Variants in FHIT observed in about 807,000 individuals in gnomAD.
FHIT encodes the protein fragile histidine triad diadenosine triphosphatase.
In FHIT, 19 loss-of-function variants were observed where a neutral mutation model predicts 17.9. That is an observed-to-expected ratio of 1.06 (90% confidence interval 0.74 to 1.56). The LOEUF (loss-of-function observed/expected upper bound fraction) is 1.56. FHIT is among the 40% of genes most tolerant of loss of function. FHIT has a pLI of 0.00. For missense variants in FHIT, 248 were observed against 189.2 expected, an observed-to-expected ratio of 1.31 and a Z score of -1.82; for synonymous variants, 81 against 69.7, an observed-to-expected ratio of 1.16 and a Z score of -0.81.
intron 3 of FHIT, among the ~76,000 whole-genome samples, chr3:60,990,361 T>C (rs1408958355): frequency 2.0e-5 from 3 of 152,200 alleles, no homozygotes; most frequent in Admixed American, 1.3e-4. Flanking sequence ...ACTAAAGATA[T>C]CCATGTCAAC....
chr3:60,205,271 T>C (rs995196340), intron 5 of FHIT, among the ~76,000 whole-genome samples: 3 of 152,098 alleles, frequency 2.0e-5, no homozygotes, highest in Non-Finnish European at 4.4e-5. Context: ...TATTGAAAGA[T>C]AAAAGAATGA....
chr3:61,242,651 T>C (rs1304556123), intron 1 of FHIT, among the ~76,000 whole-genome samples: 2 of 152,198 alleles, frequency 1.3e-5, no homozygotes, highest in African/African-American at 2.4e-5. Context: ...TTATTATTAC[T>C]GAGATCAGTC....
At chr3:60,696,438 C>T (rs1553700666) in intron 4 of FHIT, among the ~76,000 whole-genome samples, 1 of 152,142 alleles carries the variant, frequency 6.6e-6, no homozygotes, top group African/African-American at 2.4e-5. Flanking sequence ...TAAATCACCC[C>T]TGGGTTCAAG....
chr3:60,161,107 G>A (rs1052877317), intron 5 of FHIT, among the ~76,000 whole-genome samples: 7 of 152,126 alleles, frequency 4.6e-5, no homozygotes, highest in South Asian at 2.1e-4. Flanking sequence ...ACCTCCTAAC[G>A]AGTATGACAA....
intron 2 of FHIT, among the ~76,000 whole-genome samples, chr3:61,045,489 C>G (rs1393798564): frequency 6.6e-6 from 1 of 152,110 alleles, no homozygotes; most frequent in Non-Finnish European, 1.5e-5. Context: ...ATTCATAAAG[C>G]AAGACCTTAG....
At chr3:61,102,850 T>G (rs1451924369) in intron 2 of FHIT, among the ~76,000 whole-genome samples, 2 of 152,218 alleles carry the variant, frequency 1.3e-5, no homozygotes, top group Non-Finnish European at 2.9e-5. Context: ...TAGAGGTGTT[T>G]ATAGTACTCT....
intron 3 of FHIT, among the ~76,000 whole-genome samples, chr3:60,838,493 C>G (rs1702612141): frequency 6.6e-6 from 1 of 151,918 alleles, no homozygotes; most frequent in Non-Finnish European, 1.5e-5. Context: ...CAAAAACAAA[C>G]AAACAAACAA....
At chr3:60,189,407 A>G (rs1321994542) in intron 5 of FHIT, among the ~76,000 whole-genome samples, 1 of 152,128 alleles carries the variant, frequency 6.6e-6, no homozygotes, top group Non-Finnish European at 1.5e-5. Flanking sequence ...TTTGAGTATC[A>G]TTTACTGAAA....
intron 4 of FHIT, among the ~76,000 whole-genome samples, chr3:60,794,671 T>C (rs950210337): frequency 6.6e-6 from 1 of 152,226 alleles, no homozygotes; most frequent in African/African-American, 2.4e-5. Flanking sequence ...GGACCTCTTT[T>C]GATGGGGCTA....
At chr3:60,994,473 G>A (rs1364336834) in intron 3 of FHIT, among the ~76,000 whole-genome samples, 1 of 152,170 alleles carries the variant, frequency 6.6e-6, no homozygotes, top group Non-Finnish European at 1.5e-5. Flanking sequence ...ACAGAAATGA[G>A]ACTGAAAATG....
intron 5 of FHIT, among the ~76,000 whole-genome samples, chr3:60,034,706 C>T (rs1424908452): frequency 6.6e-6 from 1 of 152,098 alleles, no homozygotes; most frequent in Non-Finnish European, 1.5e-5. Context: ...GAAGATTACA[C>T]TTCTGGTCAA....
At chr3:60,706,448 T>C (rs1450849627) in intron 4 of FHIT, among the ~76,000 whole-genome samples, 1 of 152,230 alleles carries the variant, frequency 6.6e-6, no homozygotes, top group Non-Finnish European at 1.5e-5. Context: ...AGTGGAATCA[T>C]GATTTTAAAA....
intron 8 of FHIT, among the ~76,000 whole-genome samples, chr3:59,871,468 AT>A (rs771947081): frequency 1.3e-5 from 2 of 152,138 alleles, no homozygotes; most frequent in Non-Finnish European, 2.9e-5. Flanking sequence ...ACACGCACAC[AT>A]ACAAAGACCA....
In FHIT at chr3:59,844,642, A is replaced by G. The variant is rs550495207; in HGVS notation, c.348+77704T>C. Among the ~76,000 whole-genome samples the G allele has an allele frequency of 2.7e-4, 41 of 152,238 alleles. 1 individual carries two copies. In the South Asian group the frequency reaches 8.1e-3, roughly 30 times the overall value. On this transcript the variant is annotated intron_variant, in intron 8 of 9. Coordinates refer to ENST00000492590, the MANE Select transcript of FHIT (RefSeq NM_002012.4). ...TGTATTGGTTGATTTTTGTGTATAG[A>G]ACCATCCATACACTCCAAGAATAAA...
intron 8 of FHIT, among the ~76,000 whole-genome samples, chr3:59,916,741 C>G (rs1039337972): frequency 1.3e-5 from 2 of 152,130 alleles, no homozygotes; most frequent in Admixed American, 6.5e-5. Context: ...ACAGAGGGAG[C>G]ATTTGAGGTC....
chr3:60,962,664 C>CT (rs1354317489), intron 3 of FHIT, among the ~76,000 whole-genome samples: 15 of 152,144 alleles, frequency 9.9e-5, no homozygotes, highest in Admixed American at 9.2e-4. Flanking sequence ...TGTCAAAGGC[C>CT]TTTTCTGCAT....
At chr3:60,029,743 A>G (rs1700902115) in intron 5 of FHIT, among the ~76,000 whole-genome samples, 1 of 152,144 alleles carries the variant, frequency 6.6e-6, no homozygotes, top group South Asian at 2.1e-4. Flanking sequence ...AGGAAGACAA[A>G]GGTTTTTAAA....
intron 4 of FHIT, among the ~76,000 whole-genome samples, chr3:60,707,811 T>C (rs1018292840): frequency 1.3e-5 from 2 of 152,328 alleles, no homozygotes; most frequent in African/African-American, 2.4e-5. Flanking sequence ...AGGATGTAAA[T>C]TGGAATGTCC....
chr3:60,507,282 C>T (rs2107535517), intron 5 of FHIT, among the ~76,000 whole-genome samples: 1 of 152,092 alleles, frequency 6.6e-6, no homozygotes, highest in East Asian at 1.9e-4. Context: ...AGGCCTATGG[C>T]TAAAGGAAAC....
Sources: gnomAD v4.1 joint callset for allele counts (sites outside exome capture counted in the v4.1 genomes callset) on GRCh38, gnomAD v4.1.1 for gene constraint, MANE v1.5 for transcripts, NCBI Gene and HGNC (gene_info 2026-07-23, HGNC 2026-07-21) for gene names.